SERTAD1: variants seen among roughly 807,000 people sequenced by gnomAD.
The protein encoded by SERTAD1 is SERTA domain containing 1.
Under a neutral mutation model 11.7 loss-of-function variants are expected in SERTAD1, and 5 were observed. The ratio of observed to expected loss-of-function variants is 0.43; its 90% CI spans 0.22 to 0.90. The LOEUF (loss-of-function observed/expected upper bound fraction) is 0.90. SERTAD1 is among the 40% of genes least tolerant of loss of function. SERTAD1 has a pLI of 0.27. For synonymous variants in SERTAD1, 139 were observed against 141.4 expected, an observed-to-expected ratio of 0.98 and a Z score of 0.12; for missense variants, 287 against 313.9, an observed-to-expected ratio of 0.91 and a Z score of 0.65.
At chr19:40,424,666 G>C (rs113139313) in intron 1 of SERTAD1, among the ~76,000 whole-genome samples, 299 of 152,298 alleles carry the variant, frequency 2.0e-3, no homozygotes, top group African/African-American at 6.9e-3. Context: ...AGAGAAGTCA[G>C]CCATGGGAGA....
rs2087019603 is a variant in SERTAD1, at chr19:40,422,677, G to C, written c.*159C>G. The C allele has an allele frequency of 2.0e-5, 15 of 739,308 alleles. 1 individual carries two copies. The South Asian group carries it at 2.9e-4, about 14-fold the overall frequency. 45.8% of individuals were successfully genotyped at this position (739,308 alleles called of 1,614,324 possible). A position where few individuals can be genotyped will look rare whatever the true frequency, so the allele number is the denominator to read the frequency against. ...GCTCCCCCTGCCAGCCCTGAGACAG[G>C]AGGACGGATGTGAAGTTGCCCAGGA... On this transcript the variant is annotated 3_prime_UTR_variant, in exon 2 of 2. Transcript: ENST00000357949.
rs756479876 is a variant in SERTAD1, at chr19:40,422,981, G to A, written c.566C>T (p.Pro189Leu). Residue 189 changes from proline (P) to leucine (L), a missense_variant, in exon 2 of 2, where the codon CCA becomes CTA. By Grantham distance (98) the Pro-to-Leu change is moderately conservative. Coordinates refer to ENST00000357949, the MANE Select transcript of SERTAD1 (RefSeq NM_013376.4). ...TSMYDNELWA[P>L]ASEGLKPGPE... ...GCCTGGTTTGAGGCCCTCAGAGGCT[G>A]GTGCCCAAAGTTCATTGTCATACAT... The A allele has an allele frequency of 6.3e-7, 1 of 1,595,254 alleles. No homozygotes were observed.
At chr19:40,424,756 G>T (rs531192705) in intron 1 of SERTAD1, among the ~76,000 whole-genome samples, 1 of 152,358 alleles carries the variant, frequency 6.6e-6, no homozygotes, top group African/African-American at 2.4e-5. Flanking sequence ...GCTTGAACTG[G>T]AAAGAGACCA....
At chr19:40,423,787 C>T (rs1264097427) in intron 1 of SERTAD1, among the ~76,000 whole-genome samples, 5 of 152,038 alleles carry the variant, frequency 3.3e-5, no homozygotes, top group African/African-American at 9.7e-5. Context: ...AGTGTAATGC[C>T]GTGATCTCAG....
chr19:40,422,772 G>A lies in SERTAD1; in HGVS notation c.*64C>T, dbSNP rs1014118587. 8.5e-5 allele frequency: 125 copies of A among 1,475,642 alleles called. No homozygotes were observed. The highest frequency in any genetic ancestry group is 1.1e-4 in the Non-Finnish European group (119 of 1,108,602). The allele number at this position is 1,475,642 out of a possible 1,614,324, so 91.4% of individuals were successfully genotyped here. On this transcript the variant is annotated 3_prime_UTR_variant, in exon 2 of 2. Transcript: ENST00000357949. ...CTAGGGAAGCCAGCTGTGTCTTTTC[G>A]AGGACAGTTGGTCCAGCCAGCAGGC...
In SERTAD1 at chr19:40,423,343, C is replaced by A; in HGVS notation, c.204G>T (p.Val68=). 6.2e-7 allele frequency: 1 copy of A among 1,613,096 alleles called. No individual in the cohort carries two copies. The highest frequency in any genetic ancestry group is 8.5e-7 in the Non-Finnish European group (1 of 1,179,826). ...TGCGCCGCAGAGTGTTCACGACCAG[C>A]ACCAGGTGCCGCAGGTCCGGCTCAC... ...QQSEPDLRHL[V]LVVNTLRRIQ... The change falls in exon 2 of 2, where the codon GTG becomes GTT. Residue 68 remains valine, a synonymous_variant. Transcript: ENST00000357949.
In SERTAD1 at chr19:40,422,450, G is replaced by A. The variant is rs2079601527; in HGVS notation, c.*386C>T. 1 of 216,938 alleles carries A rather than the reference G, an allele frequency of 4.6e-6. No individual in the cohort carries two copies. The highest frequency in any genetic ancestry group is 9.1e-6 in the Non-Finnish European group (1 of 109,408). 13.4% of individuals were successfully genotyped at this position (216,938 alleles called of 1,614,324 possible). On this transcript the variant is annotated 3_prime_UTR_variant, in exon 2 of 2. Transcript: ENST00000357949. ...ACAGCCTACGCCCAATAAAATGTTTGATGTTTTTATCTCGCCTTCACATTT... is the reference window on the plus strand; with the variant it reads ...ACAGCCTACGCCCAATAAAATGTTTAATGTTTTTATCTCGCCTTCACATTT...
At chr19:40,423,916 A>G (rs2079607724) in intron 1 of SERTAD1, among the ~76,000 whole-genome samples, 1 of 152,080 alleles carries the variant, frequency 6.6e-6, no homozygotes, top group South Asian at 2.1e-4. Context: ...TAGAAGAAGC[A>G]TGGTTTCACC....
intron 1 of SERTAD1, among the ~76,000 whole-genome samples, chr19:40,425,557 C>T (rs891335003): frequency 2.0e-5 from 3 of 152,180 alleles, no homozygotes; most frequent in South Asian, 2.1e-4. Context: ...CCGTGCGAGC[C>T]GGGACCCCTG....
chr19:40,422,759 G>A lies in SERTAD1; in HGVS notation c.*77C>T, dbSNP rs895637074. ...CCTGTTCTCTGTACTAGGGAAGCCA[G>A]CTGTGTCTTTTCGAGGACAGTTGGT... On this transcript the variant is annotated 3_prime_UTR_variant, in exon 2 of 2. Transcript: ENST00000357949. 9.7e-5 allele frequency: 140 copies of A among 1,444,786 alleles called. No homozygotes were observed. The highest frequency in any genetic ancestry group is 1.2e-4 in the Non-Finnish European group (134 of 1,088,362). The allele number at this position is 1,444,786 out of a possible 1,614,324, so 89.5% of individuals were successfully genotyped here.
chr19:40,422,957 C>A lies in SERTAD1; in HGVS notation c.590G>T (p.Gly197Val), dbSNP rs759690841. The A allele has an allele frequency of 1.2e-6, 2 of 1,606,346 alleles. No individual in the cohort carries two copies. The highest frequency in any genetic ancestry group is 1.7e-6 in the Non-Finnish European group (2 of 1,176,266). Residue 197 changes from glycine to valine, a missense_variant, in exon 2 of 2, where the codon GGC becomes GTC. Coordinates refer to ENST00000357949, the MANE Select transcript of SERTAD1 (RefSeq NM_013376.4). ...WAPASEGLKP[G>V]PEDGPGKEEA... ...CTCCTTGCCCGGCCCATCCTCAGGG[C>A]CTGGTTTGAGGCCCTCAGAGGCTGG...
Position 40,423,501 on chromosome 19 carries a change from TCTCCTCCTC to T in SERTAD1, c.37_45del (p.Glu13_Glu15del). On this transcript the variant is annotated inframe_deletion, in exon 2 of 2. Transcript: ENST00000357949. ...CAGGAGTCGACTGCCAGAGGTTCCT[TCTCCTCCTC>T]CTCCTCCCGTTTCCGCTTCAGACCC... The T allele has an allele frequency of 6.2e-7, 1 of 1,611,126 alleles. No homozygotes were observed. Among genetic ancestry groups the T allele is most frequent in the Non-Finnish European group, 8.5e-7 (1 of 1,179,198 alleles).
chr19:40,422,679 G>A lies in SERTAD1; in HGVS notation c.*157C>T. The A allele has an allele frequency of 2.7e-6, 2 of 748,838 alleles. No individual in the cohort carries two copies. Among genetic ancestry groups the A allele is most frequent in the Non-Finnish European group, 2.1e-6 (1 of 481,274 alleles). The allele number at this position is 748,838 out of a possible 1,614,324, so 46.4% of individuals were successfully genotyped here. ...TCCCCCTGCCAGCCCTGAGACAGGA[G>A]GACGGATGTGAAGTTGCCCAGGACT... On this transcript the variant is annotated 3_prime_UTR_variant, in exon 2 of 2. Coordinates refer to ENST00000357949, the MANE Select transcript of SERTAD1 (RefSeq NM_013376.4).
In SERTAD1 at chr19:40,423,127, T is replaced by G. The variant is rs770915429; in HGVS notation, c.420A>C (p.Pro140=). The change falls in exon 2 of 2, where the codon CCA becomes CCC. Residue 140 remains proline, a synonymous_variant. Coordinates refer to ENST00000357949, the MANE Select transcript of SERTAD1 (RefSeq NM_013376.4). ...CTGCTCCCCCGATGCTACGGCCTGG[T>G]GGCCCCTCGTCTGCCAAGGGTTGGG... ...QAPQPLADEG[P]PGRSIGGAAP... The G allele has an allele frequency of 1.2e-6, 2 of 1,601,520 alleles. No individual in the cohort carries two copies. The highest frequency in any genetic ancestry group is 2.3e-5 in the South Asian group (2 of 88,844).
intron 1 of SERTAD1, among the ~76,000 whole-genome samples, chr19:40,425,375 G>C (rs1306714153): frequency 2.6e-5 from 4 of 152,284 alleles, no homozygotes; most frequent in East Asian, 3.9e-4. Flanking sequence ...CCCGCAGTCC[G>C]GGGAGTCCGG....
At chr19:40,423,869 G>A (rs989919164) in intron 1 of SERTAD1, among the ~76,000 whole-genome samples, 2 of 151,916 alleles carry the variant, frequency 1.3e-5, no homozygotes, top group Admixed American at 6.6e-5. Flanking sequence ...TAGGATTACA[G>A]GCACATGCCA....
At position 40,425,967 on chromosome 19, in the gene SERTAD1, G is replaced by A. The variant is rs1390315515; in HGVS notation, c.-101C>T. ...CTTGTTGGCTGTCCTCCGGAAACCC[G>A]CGCCTGGGTCGCGAGACGCAGTTCT... On this transcript the variant is annotated 5_prime_UTR_variant, in exon 1 of 2. Transcript: ENST00000357949. The A allele has an allele frequency of 6.6e-6, 1 of 152,246 alleles. No homozygotes were observed. The highest frequency in any genetic ancestry group is 1.5e-5 in the Non-Finnish European group (1 of 68,058). 9.4% of individuals were successfully genotyped at this position (152,246 alleles called of 1,614,324 possible). A position where few individuals can be genotyped will look rare whatever the true frequency, so the allele number is the denominator to read the frequency against.
At chr19:40,424,831 G>A (rs1428982426) in intron 1 of SERTAD1, among the ~76,000 whole-genome samples, 1 of 152,220 alleles carries the variant, frequency 6.6e-6, no homozygotes, top group Non-Finnish European at 1.5e-5. Flanking sequence ...AGGGGAACGG[G>A]CACAAGCCAG....
At chr19:40,424,433 CAT>C (rs916904752) in intron 1 of SERTAD1, among the ~76,000 whole-genome samples, 1 of 151,852 alleles carries the variant, frequency 6.6e-6, no homozygotes, top group African/African-American at 2.4e-5. Flanking sequence ...ATTATAATAA[CAT>C]AATTATATCT....
Sources: allele counts gnomAD v4.1 joint callset (sites outside exome capture counted in the v4.1 genomes callset), GRCh38; gene constraint gnomAD v4.1.1; transcripts MANE v1.5; gene names NCBI Gene and HGNC (gene_info 2026-07-23, HGNC 2026-07-21).